Variants in SGK1 observed in about 807,000 individuals in gnomAD.
The protein encoded by SGK1 is serum/glucocorticoid regulated kinase 1.
SGK1 carries 26 observed loss-of-function variants against 64.2 expected under a neutral mutation model. The observed-to-expected ratio is 0.40, with a 90% CI of 0.30 to 0.56. The LOEUF (loss-of-function observed/expected upper bound fraction) is 0.56, where lower values mean the gene tolerates loss of function less well. Ranked by LOEUF, SGK1 falls within the 20% of genes least tolerant of loss-of-function variation. The pLI is 0.38. For missense variants in SGK1, 519 were observed against 645.6 expected (o/e 0.80, Z 2.12); for synonymous variants, 265 against 239.7 (o/e 1.11, Z -0.98).
At chr6:134,214,640 T>C (rs553041684) in intron 2 of SGK1, among the ~76,000 whole-genome samples, 1 of 54,916 alleles carries the variant, frequency 1.8e-5, no homozygotes, top group Admixed American at 2.5e-4. Flanking sequence ...TGACAGCATG[T>C]ACATTCTGAA....
intron 1 of SGK1, chr6:134,283,093 G>A (rs1227079870): frequency 6.6e-6 from 1 of 152,138 alleles, no homozygotes. Flanking sequence ...AGGCAGCTGA[G>A]CCGGTCCAAG....
chr6:134,268,722 C>CAAAAAAAA (rs559703087), intron 1 of SGK1, among the ~76,000 whole-genome samples: 4 of 72,360 alleles, frequency 5.5e-5, no homozygotes, highest in African/African-American at 1.8e-4. Context: ...GACTCTGTCT[C>CAAAAAAAA]AAAAAAAAAA....
At chr6:134,249,427 C>A (rs542758873) in intron 2 of SGK1, 2 of 152,346 alleles carry the variant, frequency 1.3e-5, no homozygotes, top group South Asian at 2.1e-4. Context: ...TCCCATCTGT[C>A]TGGGCTTCTC....
intron 1 of SGK1, among the ~76,000 whole-genome samples, chr6:134,287,444 CTTTT>C (rs761885493): frequency 9.5e-6 from 1 of 104,876 alleles, no homozygotes. Context: ...GATAAGAAGG[CTTTT>C]TTTTTTTTTT....
chr6:134,203,562 T>C (rs1775720764), intron 3 of SGK1, among the ~76,000 whole-genome samples: 1 of 152,176 alleles, frequency 6.6e-6, no homozygotes, highest in Non-Finnish European at 1.5e-5. Flanking sequence ...CCACATGATG[T>C]CTATAAGATA....
intron 1 of SGK1, chr6:134,298,609 T>C: frequency 9.0e-7 from 1 of 1,106,944 alleles, no homozygotes; most frequent in Non-Finnish European, 1.4e-6. Flanking sequence ...ATGCAGGTAC[T>C]GGGCCCACTC....
intron 1 of SGK1, among the ~76,000 whole-genome samples, chr6:134,301,242 C>A (rs180713483): frequency 1.2e-4 from 18 of 152,154 alleles, no homozygotes; most frequent in Non-Finnish European, 1.2e-4. Context: ...AATGAATGAA[C>A]CTGTGTGTGG....
rs55870107 is a variant in SGK1 at position 134,220,058 on chromosome 6, C to CAAAAAAA, written c.286-12634_286-12628dup. On this transcript the variant is annotated intron_variant, in intron 2 of 13. Coordinates refer to ENST00000367858, the MANE Select transcript of SGK1 (RefSeq NM_001143676.3). ...TGGGCGACAGAGCGAGACTCCGTCT[C>CAAAAAAA]AAAAAAAAAAAAAAAAAAAAAAAAA... 9.0e-4 allele frequency among the ~76,000 whole-genome samples: 55 copies of CAAAAAAA among 61,350 alleles called. 1 individual carries two copies. The highest frequency in any genetic ancestry group is 4.1e-3 in the African/African-American group (38 of 9,190). 40.2% of individuals were successfully genotyped at this position (61,350 alleles called of 152,430 possible). A position where few individuals can be genotyped will look rare whatever the true frequency, so the allele number is the denominator to read the frequency against.
At chr6:134,283,541 T>G (rs1290204680) in intron 1 of SGK1, among the ~76,000 whole-genome samples, 1 of 151,136 alleles carries the variant, frequency 6.6e-6, no homozygotes, top group Non-Finnish European at 1.5e-5. Context: ...GCAGCTGCCC[T>G]ACAGAGGACA....
intron 2 of SGK1, among the ~76,000 whole-genome samples, chr6:134,209,727 A>T (rs766965038): frequency 6.6e-6 from 1 of 152,102 alleles, no homozygotes; most frequent in Non-Finnish European, 1.5e-5. Flanking sequence ...CCCAGGCTAG[A>T]GTGCAATGGT....
chr6:134,206,457 C>T (rs2114683941), intron 3 of SGK1, among the ~76,000 whole-genome samples: 1 of 139,690 alleles, frequency 7.2e-6, no homozygotes, highest in Non-Finnish European at 1.5e-5. Flanking sequence ...TTGAAGGAGG[C>T]ATATCTCACA....
chr6:134,219,520 GGAGGCT>G (rs1562254979), intron 2 of SGK1, among the ~76,000 whole-genome samples: 1 of 152,076 alleles, frequency 6.6e-6, no homozygotes, highest in East Asian at 1.9e-4. Flanking sequence ...CAGAACTTTG[GGAGGCT>G]GAGGCGAGCA....
chr6:134,240,179 C>A (rs751121379), intron 2 of SGK1, among the ~76,000 whole-genome samples: 2 of 151,506 alleles, frequency 1.3e-5, no homozygotes, highest in Non-Finnish European at 2.9e-5. Context: ...ATAGTCCCAG[C>A]TACTGGGGAG....
At position 134,207,001 on chromosome 6, in the gene SGK1, G is replaced by A. The variant is rs543427574; in HGVS notation, c.361+355C>T. Among the ~76,000 whole-genome samples, 10 of 152,096 alleles carry A rather than the reference G, an allele frequency of 6.6e-5. No homozygotes were observed. In the East Asian group the frequency reaches 1.2e-3, roughly 18 times the overall value. On this transcript the variant is annotated intron_variant, in intron 3 of 13. Transcript: ENST00000367858. ...AGCACTTTGGGAGGCCGAGGCGGGCGAATCACAAGGTCAGGAGATCGAGAC... is the reference window on the plus strand; with the variant it reads ...AGCACTTTGGGAGGCCGAGGCGGGCAAATCACAAGGTCAGGAGATCGAGAC...
rs779298101 is a variant in SGK1, at chr6:134,170,813, GAC to G, written c.1413+11_1413+12del. 36 of 1,530,976 alleles carry G rather than the reference GAC, an allele frequency of 2.4e-5. No individual in the cohort carries two copies. The highest frequency in any genetic ancestry group is 3.1e-5 in the Non-Finnish European group (34 of 1,105,186). The allele number at this position is 1,530,976 out of a possible 1,614,324, so 94.8% of individuals were successfully genotyped here. On this transcript the variant is annotated intron_variant, in intron 13 of 13. Transcript: ENST00000367858. Reference sequence around the variant, plus strand: ...TGGGCTTCTCTATACTTAGAAGAGAGACAGATACTCACCACATTTGGGTTAAA... The same window carrying G: ...TGGGCTTCTCTATACTTAGAAGAGAGAGATACTCACCACATTTGGGTTAAA...
Position 134,317,641 on chromosome 6 carries a change from C to G in SGK1, c.-181G>C. The G allele has an allele frequency of 3.3e-6, 2 of 610,890 alleles. No individual in the cohort carries two copies. Among genetic ancestry groups the G allele is most frequent in the Non-Finnish European group, 5.9e-6 (2 of 339,748 alleles). 37.8% of individuals were successfully genotyped at this position (610,890 alleles called of 1,614,324 possible). On this transcript the variant is annotated 5_prime_UTR_variant, in exon 1 of 14. Coordinates refer to ENST00000367858, the MANE Select transcript of SGK1 (RefSeq NM_001143676.3). ...AGCACCAGCTACTGCAGCAACCTCT[C>G]CCCACTTTCAGTTGCCACCGACAGC...
intron 3 of SGK1, among the ~76,000 whole-genome samples, chr6:134,176,175 G>A (rs192687531): frequency 1.3e-3 from 205 of 152,230 alleles, no homozygotes; most frequent in Admixed American, 2.6e-3. Flanking sequence ...ATTCCTCTGT[G>A]GGGCCTGCTC....
chr6:134,207,947 T>G (rs1456260070), intron 2 of SGK1, among the ~76,000 whole-genome samples: 1 of 152,254 alleles, frequency 6.6e-6, no homozygotes, highest in Non-Finnish European at 1.5e-5. Context: ...AGTCTTATTC[T>G]GTTGCTCAGG....
intron 2 of SGK1, among the ~76,000 whole-genome samples, chr6:134,247,115 C>T: frequency 6.6e-6 from 1 of 151,982 alleles, no homozygotes; most frequent in East Asian, 1.9e-4. Flanking sequence ...TGCCCCAGTG[C>T]TCAACTTCCC....
Sources: gnomAD v4.1 joint callset for allele counts (sites outside exome capture counted in the v4.1 genomes callset) on GRCh38, gnomAD v4.1.1 for gene constraint, MANE v1.5 for transcripts, NCBI Gene and HGNC (gene_info 2026-07-23, HGNC 2026-07-21) for gene names.